Variants in ERCC8 observed in about 807,000 individuals in gnomAD.
The protein encoded by ERCC8 is ERCC excision repair 8, CSA ubiquitin ligase complex subunit.
ERCC8 carries 52 observed loss-of-function variants against 54.9 expected under a neutral mutation model. The observed-to-expected ratio is 0.95, with a 90% CI of 0.76 to 1.19. The LOEUF is 1.19. ERCC8 is among the 50% of genes most tolerant of loss of function. ERCC8 has a pLI of 0.00. For synonymous variants in ERCC8, 146 were observed against 157.2 expected (o/e 0.93, Z 0.53); for missense variants, 514 against 466.1 (o/e 1.10, Z -0.95).
At chr5:60,918,192 C>G in intron 4 of ERCC8, 73 bp downstream of exon 4, 1 of 1,190,018 alleles carries the variant, frequency 8.4e-7, no homozygotes, top group South Asian at 1.2e-5. Context: ...AGCAAATAAT[C>G]ATACTAAAAT....
Position 60,871,313 on chromosome 5 carries a change from CAGAG to C in ERCC8, c.*3298_*3301del, listed in dbSNP as rs1177650984. Among the ~76,000 whole-genome samples, 1 of 152,106 alleles carries C rather than the reference CAGAG, an allele frequency of 6.6e-6. No homozygotes were observed. Among genetic ancestry groups the C allele is most frequent in the Non-Finnish European group, 1.5e-5 (1 of 68,008 alleles). On this transcript the variant is annotated 3_prime_UTR_variant, in exon 12 of 12. Transcript: ENST00000676185. ...AGAATAACTTTGTTATAACAAATGA[CAGAG>C]AGGGATTTATATAAGCTGTAACTGC...
chr5:60,903,456 T>C (rs980969833), intron 6 of ERCC8, 192 bp downstream of exon 6: 4 of 866,950 alleles, frequency 4.6e-6, no homozygotes, highest in Admixed American at 6.3e-5. Flanking sequence ...TCATTGTTCA[T>C]ATAAATGTGT....
chr5:60,902,378 T>C, intron 7 of ERCC8, 64 bp downstream of exon 7: 2 of 1,190,372 alleles, frequency 1.7e-6, no homozygotes, highest in Admixed American at 3.4e-5. Flanking sequence ...ATTACATAAA[T>C]GTAGACTTTT....
chr5:60,931,302 AT>A lies in ERCC8; in HGVS notation c.78-2344del, dbSNP rs750353658. ...AGCCGCATTTGAACTTTAACATTAA[AT>A]TTTTTTTTAAATTTACTTTTAGAGA... On this transcript the variant is annotated intron_variant, in intron 1 of 11. Transcript: ENST00000676185. Among the ~76,000 whole-genome samples, 175 of 151,842 alleles carry A rather than the reference AT, an allele frequency of 1.2e-3. 1 individual carries two copies. The highest frequency in any genetic ancestry group is 0.01 in the Middle Eastern group (3 of 294).
chr5:60,893,342 CTCTTG>C, intron 9 of ERCC8: 1 of 849,474 alleles, frequency 1.2e-6, no homozygotes, highest in Non-Finnish European at 2.1e-6. Flanking sequence ...CTCACAGTAG[CTCTTG>C]ATAGACCTGC....
At chr5:60,904,964 T>C (rs1028621331) in intron 4 of ERCC8, 91 bp from the exon 5 acceptor site, 59 of 645,324 alleles carry the variant, frequency 9.1e-5, no homozygotes, top group Non-Finnish European at 1.4e-4. Context: ...AATTTTTAGC[T>C]ATTTTTAAAT....
chr5:60,876,820 T>C (rs1748025154), intron 11 of ERCC8, among the ~76,000 whole-genome samples: 1 of 152,128 alleles, frequency 6.6e-6, no homozygotes, highest in African/African-American at 2.4e-5. Context: ...TTTTCTCCCA[T>C]TCTGTAGGTT....
intron 10 of ERCC8, 81 bp from the exon 11 acceptor site, chr5:60,887,601 A>C: frequency 2.0e-6 from 2 of 1,023,732 alleles, no homozygotes; most frequent in South Asian, 2.6e-5. Flanking sequence ...TTTTGAAATA[A>C]TTAGGTCATA....
At chr5:60,922,235 A>C in intron 2 of ERCC8, 80 bp from the exon 3 acceptor site, 1 of 913,632 alleles carries the variant, frequency 1.1e-6, no homozygotes, top group Non-Finnish European at 1.8e-6. Context: ...AATTTCTAAA[A>C]ACTGATTTGC....
intron 11 of ERCC8, among the ~76,000 whole-genome samples, chr5:60,879,168 G>T (rs138442145): frequency 0.12 from 17,627 of 152,226 alleles, 1,194 homozygotes; most frequent in African/African-American, 0.18. Flanking sequence ...TTTCCATGTA[G>T]TTGAGCGGTT....
intron 4 of ERCC8, among the ~76,000 whole-genome samples, chr5:60,910,698 T>C (rs1749231665): frequency 6.6e-6 from 1 of 152,190 alleles, no homozygotes; most frequent in Non-Finnish European, 1.5e-5. Context: ...TGTTTGGAAT[T>C]CAGAAATATA....
At chr5:60,914,870 C>A (rs895837468) in intron 4 of ERCC8, among the ~76,000 whole-genome samples, 1 of 151,232 alleles carries the variant, frequency 6.6e-6, no homozygotes, top group Admixed American at 6.6e-5. Context: ...TGTAGTTTTC[C>A]CCCTTCATTC....
intron 1 of ERCC8, among the ~76,000 whole-genome samples, chr5:60,931,106 C>G (rs1326310489): frequency 6.8e-6 from 1 of 146,404 alleles, no homozygotes; most frequent in Non-Finnish European, 1.5e-5. Context: ...ACAAAGCAAG[C>G]AAGACTCCGT....
At chr5:60,916,929 C>A (rs1342534713) in intron 4 of ERCC8, among the ~76,000 whole-genome samples, 1 of 151,732 alleles carries the variant, frequency 6.6e-6, no homozygotes, top group East Asian at 1.9e-4. Flanking sequence ...CAATCTAGAA[C>A]AACAAATAAG....
chr5:60,890,804 A>C, intron 10 of ERCC8, 85 bp downstream of exon 10: 1 of 996,674 alleles, frequency 1.0e-6, no homozygotes, highest in Non-Finnish European at 1.6e-6. Flanking sequence ...AACTCCTCAG[A>C]ATAAAATCAT....
intron 1 of ERCC8, among the ~76,000 whole-genome samples, chr5:60,938,067 ATATATATATATATATATATTTTATTT>A (rs1561518985): frequency 2.6e-3 from 55 of 20,780 alleles, no homozygotes; most frequent in African/African-American, 8.6e-3. Flanking sequence ...ATATATATAT[ATATATATATATATATATATTTTATTT>A]TTTTTTTTTT....
At chr5:60,916,889 T>C (rs1749451838) in intron 4 of ERCC8, among the ~76,000 whole-genome samples, 3 of 152,022 alleles carry the variant, frequency 2.0e-5, no homozygotes, top group African/African-American at 7.3e-5. Flanking sequence ...TAGTAATGTA[T>C]AAGACATAGT....
intron 3 of ERCC8, among the ~76,000 whole-genome samples, chr5:60,920,157 T>A (rs1164003386): frequency 6.6e-6 from 1 of 152,010 alleles, no homozygotes; most frequent in Non-Finnish European, 1.5e-5. Flanking sequence ...TGACCCTGAC[T>A]GTGTTCTCTA....
At chr5:60,938,079 A>G (rs1380958302) in intron 1 of ERCC8, among the ~76,000 whole-genome samples, 14 of 18,792 alleles carry the variant, frequency 7.4e-4, no homozygotes, top group African/African-American at 2.7e-3. Context: ...ATATATATAT[A>G]TATATATTTT....
Sources: gnomAD v4.1 joint callset for allele counts (sites outside exome capture counted in the v4.1 genomes callset) on GRCh38, gnomAD v4.1.1 for gene constraint, MANE v1.5 for transcripts, NCBI Gene and HGNC (gene_info 2026-07-23, HGNC 2026-07-21) for gene names.